The following GUCY1A2 variants were observed in gnomAD, a reference collection of about 807,000 sequenced individuals.
GUCY1A2 encodes guanylate cyclase 1 soluble subunit alpha 2.
A neutral mutation model predicts 63.5 loss-of-function variants in GUCY1A2; 27 were observed. The observed-to-expected ratio is 0.43, with a 90% confidence interval of 0.31 to 0.59. The LOEUF is 0.59. Among genes scored for constraint, GUCY1A2 ranks in the 20% least tolerant of loss-of-function variants. The probability of loss-of-function intolerance (pLI) is 0.11; values close to 1 mark genes in which losing one functional copy is unlikely to be tolerated. For synonymous variants in GUCY1A2, 364 were observed against 343.5 expected (o/e 1.06, Z -0.66); for missense variants, 768 against 913.3 (o/e 0.84, Z 2.05).
At chr11:106,897,717 T>C (rs371905280) in intron 4 of GUCY1A2, among the ~76,000 whole-genome samples, 37 of 151,232 alleles carry the variant, frequency 2.4e-4, no homozygotes, top group African/African-American at 8.5e-4. Context: ...GCAAAATGGA[T>C]CACAGACCAA....
At chr11:106,756,688 G>A (rs747163166) in intron 6 of GUCY1A2, among the ~76,000 whole-genome samples, 27 of 152,182 alleles carry the variant, frequency 1.8e-4, no homozygotes, top group Non-Finnish European at 3.1e-4. Context: ...ACTCTCTTCT[G>A]GCTTTTAGGG....
At chr11:106,937,096 AATT>A (rs1860689661) in intron 4 of GUCY1A2, among the ~76,000 whole-genome samples, 1 of 152,132 alleles carries the variant, frequency 6.6e-6, no homozygotes. Flanking sequence ...CCATAGTATC[AATT>A]TGGGGCAACT....
intron 4 of GUCY1A2, among the ~76,000 whole-genome samples, chr11:106,883,605 T>A (rs1330261178): frequency 6.6e-6 from 1 of 152,122 alleles, no homozygotes; most frequent in Non-Finnish European, 1.5e-5. Flanking sequence ...CAAATGATAA[T>A]TACATTTAGG....
chr11:106,775,571 T>G (rs905298878), intron 6 of GUCY1A2, among the ~76,000 whole-genome samples: 3 of 152,106 alleles, frequency 2.0e-5, no homozygotes, highest in Non-Finnish European at 4.4e-5. Context: ...TTAAAAATAT[T>G]TTTTAATATA....
At chr11:107,012,600 C>T (rs541590327) in intron 1 of GUCY1A2, among the ~76,000 whole-genome samples, 10 of 152,218 alleles carry the variant, frequency 6.6e-5, no homozygotes, top group East Asian at 1.9e-4. Flanking sequence ...TTACTCAAAC[C>T]GAAATTTGTC....
At chr11:106,932,032 T>TC (rs1167193573) in intron 4 of GUCY1A2, among the ~76,000 whole-genome samples, 1 of 152,156 alleles carries the variant, frequency 6.6e-6, no homozygotes, top group Non-Finnish European at 1.5e-5. Context: ...TATTTTTTTT[T>TC]CACTGAGACT....
At chr11:106,960,936 A>G (rs917444149) in intron 3 of GUCY1A2, among the ~76,000 whole-genome samples, 7 of 152,128 alleles carry the variant, frequency 4.6e-5, no homozygotes, top group African/African-American at 1.7e-4. Context: ...AGATTAGACG[A>G]TATTAGTGAA....
intron 4 of GUCY1A2, among the ~76,000 whole-genome samples, chr11:106,835,405 G>A (rs1440789254): frequency 6.6e-6 from 1 of 151,778 alleles, no homozygotes; most frequent in Non-Finnish European, 1.5e-5. Flanking sequence ...TAGAAAATAT[G>A]AGGAGATCAA....
intron 6 of GUCY1A2, among the ~76,000 whole-genome samples, chr11:106,712,420 C>A (rs1375803981): frequency 6.6e-6 from 1 of 152,096 alleles, no homozygotes; most frequent in Non-Finnish European, 1.5e-5. Context: ...TTAAAAATCA[C>A]CGTTTTAATG....
chr11:106,778,275 GT>G (rs1275257937), intron 5 of GUCY1A2, among the ~76,000 whole-genome samples: 1 of 152,040 alleles, frequency 6.6e-6, no homozygotes, highest in African/African-American at 2.4e-5. Flanking sequence ...CCTTCCTTTA[GT>G]TTTTATCAAA....
intron 4 of GUCY1A2, among the ~76,000 whole-genome samples, chr11:106,911,571 G>A (rs1175215528): frequency 6.6e-6 from 1 of 152,056 alleles, no homozygotes; most frequent in Non-Finnish European, 1.5e-5. Flanking sequence ...CCCAAAGGTT[G>A]ATTTTGCATG....
chr11:106,893,063 T>C (rs371140956), intron 4 of GUCY1A2, among the ~76,000 whole-genome samples: 52 of 152,158 alleles, frequency 3.4e-4, no homozygotes, highest in African/African-American at 1.3e-3. Flanking sequence ...CATAGGAAAA[T>C]CTTCTTCCCA....
rs550980516 is a variant in GUCY1A2 at position 106,749,387 on chromosome 11, G to A, written c.1836+27052C>T. 1.9e-4 allele frequency among the ~76,000 whole-genome samples: 29 copies of A among 152,084 alleles called. 1 individual carries two copies. The South Asian group carries it at 6.0e-3, about 32-fold the overall frequency. Reference sequence around the variant, plus strand: ...GGTGTCAAGTTCTCCTTTGGGCTGCGGAATCAATCATGTTACATAACCCCT... The same window carrying A: ...GGTGTCAAGTTCTCCTTTGGGCTGCAGAATCAATCATGTTACATAACCCCT... On this transcript the variant is annotated intron_variant, in intron 6 of 7. Transcript: ENST00000526355.
At chr11:106,738,960 T>C (rs1242468387) in intron 6 of GUCY1A2, among the ~76,000 whole-genome samples, 1 of 152,190 alleles carries the variant, frequency 6.6e-6, no homozygotes, top group Non-Finnish European at 1.5e-5. Context: ...GGGGATAGCA[T>C]TGAATCTATA....
chr11:106,861,703 T>C (rs1038229717), intron 4 of GUCY1A2, among the ~76,000 whole-genome samples: 1 of 152,032 alleles, frequency 6.6e-6, no homozygotes, highest in African/African-American at 2.4e-5. Flanking sequence ...AAGCTTACAA[T>C]ATGGTAATGC....
chr11:106,909,291 C>T (rs1377148293), intron 4 of GUCY1A2, among the ~76,000 whole-genome samples: 1 of 150,110 alleles, frequency 6.7e-6, no homozygotes, highest in Non-Finnish European at 1.5e-5. Flanking sequence ...TGTACTACAA[C>T]ATTGGAAACA....
chr11:106,990,395 A>G (rs1176914835), intron 1 of GUCY1A2, among the ~76,000 whole-genome samples: 2 of 152,254 alleles, frequency 1.3e-5, no homozygotes, highest in Non-Finnish European at 2.9e-5. Context: ...CGAACAGCCA[A>G]CCACGAAATA....
chr11:106,831,939 G>T (rs953540432), intron 4 of GUCY1A2, among the ~76,000 whole-genome samples: 1 of 152,090 alleles, frequency 6.6e-6, no homozygotes, highest in Non-Finnish European at 1.5e-5. Flanking sequence ...GTGGTGAAAA[G>T]AATCCATCAA....
At chr11:106,767,328 T>A (rs901317512) in intron 6 of GUCY1A2, among the ~76,000 whole-genome samples, 1 of 152,146 alleles carries the variant, frequency 6.6e-6, no homozygotes, top group Non-Finnish European at 1.5e-5. Context: ...CACAGTTTCA[T>A]GTGAATCAGT....
Sources: allele counts gnomAD v4.1 joint callset (sites outside exome capture counted in the v4.1 genomes callset), GRCh38; gene constraint gnomAD v4.1.1; transcripts MANE v1.5; gene names NCBI Gene and HGNC (gene_info 2026-07-23, HGNC 2026-07-21).